The following PPFIA2 variants were observed in gnomAD, a reference collection of about 807,000 sequenced individuals.
PPFIA2 encodes the protein liprin-alpha-2.
Under a neutral mutation model 175.5 loss-of-function variants are expected in PPFIA2, and 46 were observed. That is an observed-to-expected ratio of 0.26 (90% confidence interval 0.21 to 0.34). The LOEUF (loss-of-function observed/expected upper bound fraction) is 0.34. Among genes scored for constraint, PPFIA2 ranks in the 10% least tolerant of loss-of-function variants. The pLI, the probability that PPFIA2 is intolerant of heterozygous loss-of-function variation, is 1.00. For missense variants in PPFIA2, 1,179 were observed against 1,506.1 expected, an observed-to-expected ratio of 0.78 and a Z score of 3.60; for synonymous variants, 568 against 511.4, an observed-to-expected ratio of 1.11 and a Z score of -1.49.
At chr12:81,581,396 C>T (rs1329049538) in intron 4 of PPFIA2, among the ~76,000 whole-genome samples, 2 of 151,688 alleles carry the variant, frequency 1.3e-5, no homozygotes, top group South Asian at 2.1e-4. Context: ...TGTAAAGAGA[C>T]TGCCCTTCAG....
chr12:81,735,011 T>C (rs778827393), intron 3 of PPFIA2, among the ~76,000 whole-genome samples: 1 of 151,856 alleles, frequency 6.6e-6, no homozygotes, highest in African/African-American at 2.4e-5. Flanking sequence ...TTGTTACTTA[T>C]TGCTGAATAG....
chr12:81,694,740 G>A (rs909391036), intron 3 of PPFIA2, among the ~76,000 whole-genome samples: 2 of 152,140 alleles, frequency 1.3e-5, no homozygotes, highest in African/African-American at 4.8e-5. Flanking sequence ...TCAGAGAACT[G>A]TAGATCCACC....
intron 3 of PPFIA2, among the ~76,000 whole-genome samples, chr12:81,742,876 A>C (rs2082497240): frequency 6.6e-6 from 1 of 152,158 alleles, no homozygotes; most frequent in African/African-American, 2.4e-5. Context: ...TGTCTCAAGA[A>C]AGAAGGGGGA....
chr12:81,475,974 G>A (rs942020622), intron 4 of PPFIA2, among the ~76,000 whole-genome samples: 16 of 152,272 alleles, frequency 1.1e-4, no homozygotes, highest in Middle Eastern at 3.4e-3. Flanking sequence ...GGACAGCAAT[G>A]TGGTAACTTT....
At chr12:81,650,351 T>C (rs897333922) in intron 4 of PPFIA2, among the ~76,000 whole-genome samples, 1 of 152,082 alleles carries the variant, frequency 6.6e-6, no homozygotes, top group Non-Finnish European at 1.5e-5. Context: ...TCTTTCTCTA[T>C]TGTACCTGAG....
chr12:81,532,702 A>T (rs1033890192), intron 4 of PPFIA2, among the ~76,000 whole-genome samples: 1 of 151,758 alleles, frequency 6.6e-6, no homozygotes, highest in Non-Finnish European at 1.5e-5. Context: ...CAGAATTTAG[A>T]TATTTGCAGC....
chr12:81,416,767 T>C (rs1021269697), intron 7 of PPFIA2, among the ~76,000 whole-genome samples: 3 of 151,614 alleles, frequency 2.0e-5, no homozygotes, highest in African/African-American at 7.2e-5. Context: ...AGGGCATAAA[T>C]GACAACTGAC....
At chr12:81,469,643 T>A (rs2056381802) in intron 4 of PPFIA2, among the ~76,000 whole-genome samples, 1 of 152,196 alleles carries the variant, frequency 6.6e-6, no homozygotes, top group Non-Finnish European at 1.5e-5. Context: ...TAGAGGTAAA[T>A]CTTTGCAATC....
intron 4 of PPFIA2, among the ~76,000 whole-genome samples, chr12:81,542,552 G>A (rs1169071472): frequency 6.6e-6 from 1 of 152,136 alleles, no homozygotes; most frequent in Non-Finnish European, 1.5e-5. Flanking sequence ...GATCCTAGAA[G>A]TAATGGGACC....
chr12:81,744,420 CTTT>C (rs1167414059), intron 3 of PPFIA2, among the ~76,000 whole-genome samples: 4 of 118,944 alleles, frequency 3.4e-5, no homozygotes, highest in Non-Finnish European at 3.6e-5. Flanking sequence ...GAAATGCTTT[CTTT>C]TTTTTTTTTT....
At chr12:81,497,403 C>A (rs2147268319) in intron 4 of PPFIA2, among the ~76,000 whole-genome samples, 1 of 151,932 alleles carries the variant, frequency 6.6e-6, no homozygotes, top group East Asian at 1.9e-4. Context: ...TTCATTAGGG[C>A]AAAGTTTTCT....
At position 81,457,791 on chromosome 12, in the gene PPFIA2, G is replaced by T; in HGVS notation, c.379C>A (p.Leu127Ile). The T allele has an allele frequency of 6.2e-7, 1 of 1,609,340 alleles. No homozygotes were observed. The highest frequency in any genetic ancestry group is 2.2e-5 in the East Asian group (1 of 44,676). ...CTTGTGTTGTTTCTTTCAGCTTTAA[G>T]TTCAGAGATTTCTTCTTCCTTTTCT... The part of the protein sequence containing the change: ...LLEKEEEISE[L>I]KAERNNTRLL... Residue 127 changes from leucine (L) to isoleucine (I), a missense_variant, in exon 5 of 33, where the codon CTT (leucine) becomes ATT (isoleucine). Physicochemically the swap from Leu to Ile is conservative, Grantham distance 5. Coordinates refer to ENST00000549396, the MANE Select transcript of PPFIA2 (RefSeq NM_003625.5).
intron 4 of PPFIA2, among the ~76,000 whole-genome samples, chr12:81,498,553 C>T (rs2060260789): frequency 6.6e-6 from 1 of 152,042 alleles, no homozygotes. Context: ...AGGATGTGTC[C>T]TTCTTATTGT....
At chr12:81,684,708 A>C (rs563353215) in intron 3 of PPFIA2, among the ~76,000 whole-genome samples, 1 of 152,188 alleles carries the variant, frequency 6.6e-6, no homozygotes, top group East Asian at 1.9e-4. Flanking sequence ...TGCTTGAAAG[A>C]AGCTTTGAAA....
intron 22 of PPFIA2, among the ~76,000 whole-genome samples, chr12:81,301,623 T>C (rs951762024): frequency 6.6e-6 from 1 of 152,150 alleles, no homozygotes; most frequent in Admixed American, 6.6e-5. Context: ...CCAAAACAGC[T>C]GCTACAATCT....
chr12:81,311,749 A>AGAAAGAAAGAAAGAAAGAAAG (rs1555249969), intron 22 of PPFIA2, among the ~76,000 whole-genome samples: 9 of 143,096 alleles, frequency 6.3e-5, no homozygotes, highest in African/African-American at 2.4e-4. Context: ...AAAAAAAAAA[A>AGAAAGAAAGAAAGAAAGAAAG]AAAGAAAGAA....
At chr12:81,684,052 G>C (rs915628701) in intron 3 of PPFIA2, among the ~76,000 whole-genome samples, 1 of 152,104 alleles carries the variant, frequency 6.6e-6, no homozygotes, top group Admixed American at 6.6e-5. Context: ...CTCATAGTAG[G>C]TACCATTTCC....
At chr12:81,543,306 C>T (rs2153348148) in intron 4 of PPFIA2, among the ~76,000 whole-genome samples, 1 of 152,188 alleles carries the variant, frequency 6.6e-6, no homozygotes, top group East Asian at 1.9e-4. Flanking sequence ...AAATAAACCA[C>T]ACACCAACAC....
intron 3 of PPFIA2, among the ~76,000 whole-genome samples, chr12:81,746,366 G>A (rs1281117823): frequency 1.4e-5 from 2 of 143,698 alleles, no homozygotes; most frequent in African/African-American, 4.9e-5. Flanking sequence ...TTTTTTTGGA[G>A]AAGCGCAGTG....
Sources: gnomAD v4.1 joint callset for allele counts (sites outside exome capture counted in the v4.1 genomes callset) on GRCh38, gnomAD v4.1.1 for gene constraint, MANE v1.5 for transcripts, NCBI Gene and HGNC (gene_info 2026-07-23, HGNC 2026-07-21) for gene names.